The following SCN11A variants were observed in gnomAD, a reference collection of about 807,000 sequenced individuals.
The protein encoded by SCN11A is sodium channel protein type 11 subunit alpha.
In SCN11A, 122 loss-of-function variants were observed where a neutral mutation model predicts 162.2. That is an observed-to-expected ratio of 0.75 (90% CI 0.65 to 0.87). SCN11A has a LOEUF of 0.87. Ranked by LOEUF, SCN11A falls within the 40% of genes least tolerant of loss-of-function variation. SCN11A has a pLI of 0.00. For synonymous variants in SCN11A, 758 were observed against 751.5 expected (o/e 1.01, Z -0.14); for missense variants, 2,015 against 2,181.6 (o/e 0.92, Z 1.52).
intron 5 of SCN11A, among the ~76,000 whole-genome samples, chr3:38,947,639 G>A (rs73828739): frequency 0.016 from 2,429 of 152,286 alleles, 67 homozygotes; most frequent in African/African-American, 0.056. Flanking sequence ...AAAGTGCCCA[G>A]TGGAGTCCCA....
intron 2 of SCN11A, among the ~76,000 whole-genome samples, chr3:38,992,559 G>A (rs2030485460): frequency 6.6e-6 from 1 of 152,152 alleles, no homozygotes; most frequent in Non-Finnish European, 1.5e-5. Flanking sequence ...TTATATGAAT[G>A]ACTCATGTAT....
chr3:38,951,759 C>G (rs1050466542), intron 4 of SCN11A, among the ~76,000 whole-genome samples: 5 of 152,210 alleles, frequency 3.3e-5, no homozygotes, highest in Non-Finnish European at 2.9e-5. Context: ...CTTGGAGAAC[C>G]TTTGTGTCTA....
At chr3:38,968,409 T>C (rs575352670) in intron 2 of SCN11A, among the ~76,000 whole-genome samples, 4 of 152,266 alleles carry the variant, frequency 2.6e-5, no homozygotes, top group African/African-American at 7.2e-5. Flanking sequence ...GGAGAAGCAA[T>C]CCCTAAAGAA....
chr3:38,993,676 CT>C, intron 2 of SCN11A, among the ~76,000 whole-genome samples: 1 of 152,302 alleles, frequency 6.6e-6, no homozygotes, highest in Non-Finnish European at 1.5e-5. Context: ...CCCAAGCAGT[CT>C]TTTTTCATCA....
At position 38,904,017 on chromosome 3, in the gene SCN11A, G is replaced by A; in HGVS notation, c.1690C>T (p.Leu564=). The A allele has an allele frequency of 3.7e-6, 6 of 1,612,758 alleles. No homozygotes were observed. The highest frequency in any genetic ancestry group is 5.1e-6 in the Non-Finnish European group (6 of 1,179,666). Residue 564 remains leucine (L), a synonymous_variant, in exon 16 of 30, where the codon CTG becomes TTG. Transcript: ENST00000302328. ...GTTCTCAGGACCTTCTTAACGCACA[G>A]CCACTGGGGGCAACAGTTCCACACG... ...YLVWNCCPQW[L]CVKKVLRTVM...
intron 1 of SCN11A, among the ~76,000 whole-genome samples, chr3:39,039,572 T>C (rs1004990747): frequency 2.6e-5 from 4 of 152,140 alleles, no homozygotes; most frequent in African/African-American, 4.8e-5. Context: ...GACCTAGCAG[T>C]AGAGCCATGA....
chr3:38,971,036 G>C (rs1288637497), intron 2 of SCN11A, among the ~76,000 whole-genome samples: 1 of 151,012 alleles, frequency 6.6e-6, no homozygotes, highest in African/African-American at 2.4e-5. Context: ...CAAAGCTATA[G>C]ATCCTGTTGC....
At chr3:38,902,124 T>G (rs1049614065) in intron 16 of SCN11A, among the ~76,000 whole-genome samples, 2 of 152,196 alleles carry the variant, frequency 1.3e-5, no homozygotes, top group Non-Finnish European at 2.9e-5. Context: ...TCTCTACAAC[T>G]TATTCAGTAA....
chr3:38,851,428 C>T (rs1164799188), intron 28 of SCN11A, among the ~76,000 whole-genome samples: 1 of 152,090 alleles, frequency 6.6e-6, no homozygotes, highest in East Asian at 1.9e-4. Context: ...ATATAGATGG[C>T]CATACTGCCC....
intron 2 of SCN11A, among the ~76,000 whole-genome samples, chr3:38,979,098 C>T (rs1259651366): frequency 6.6e-6 from 1 of 152,146 alleles, no homozygotes; most frequent in African/African-American, 2.4e-5. Flanking sequence ...ATTGATTAGC[C>T]TCTGTTATGT....
intron 2 of SCN11A, among the ~76,000 whole-genome samples, chr3:38,990,676 T>A (rs924510152): frequency 6.6e-6 from 1 of 152,170 alleles, no homozygotes; most frequent in Admixed American, 6.5e-5. Context: ...AAGCCCTTTA[T>A]ATACTTTAAC....
intron 11 of SCN11A, among the ~76,000 whole-genome samples, chr3:38,917,325 A>G (rs2065974777): frequency 6.6e-6 from 1 of 152,254 alleles, no homozygotes; most frequent in South Asian, 2.1e-4. Context: ...TATATACCCA[A>G]AGGAATATAA....
intron 2 of SCN11A, among the ~76,000 whole-genome samples, chr3:39,018,213 T>A (rs1330071991): frequency 6.6e-6 from 1 of 152,202 alleles, no homozygotes; most frequent in Non-Finnish European, 1.5e-5. Flanking sequence ...TTTCCTGACC[T>A]CAGGTTGATT....
At chr3:38,900,208 T>C (rs1368848208) in intron 16 of SCN11A, 135 bp from the exon 17 acceptor site, 2 of 678,684 alleles carry the variant, frequency 2.9e-6, no homozygotes, top group Non-Finnish European at 4.9e-6. Flanking sequence ...CTAAAGTCCA[T>C]GCAATAGAAA....
chr3:38,921,745 A>C (rs1336606505), intron 9 of SCN11A, among the ~76,000 whole-genome samples: 1 of 152,158 alleles, frequency 6.6e-6, no homozygotes, highest in Non-Finnish European at 1.5e-5. Flanking sequence ...AATTATGAGG[A>C]TATCCTGGGA....
At position 38,846,631 on chromosome 3, in the gene SCN11A, C is replaced by T. The variant is rs1161829693; in HGVS notation, c.*63G>A. ...CCTGTTGATACACTAAGCTGCTGAC[C>T]CCTGGAGCTCAGAGGCTGAAGGCAA... On this transcript the variant is annotated 3_prime_UTR_variant, in exon 30 of 30. Coordinates refer to ENST00000302328, the MANE Select transcript of SCN11A (RefSeq NM_001349253.2). 6.7e-6 allele frequency: 9 copies of T among 1,339,806 alleles called. No homozygotes were observed. The highest frequency in any genetic ancestry group is 9.5e-6 in the Non-Finnish European group (9 of 944,324). The allele number at this position is 1,339,806 out of a possible 1,614,324, so 83.0% of individuals were successfully genotyped here. A position where few individuals can be genotyped will look rare whatever the true frequency, so the allele number is the denominator to read the frequency against.
chr3:38,993,542 C>T lies in SCN11A; in HGVS notation c.-279-33119G>A, dbSNP rs80181736. Among the ~76,000 whole-genome samples the T allele has an allele frequency of 2.4e-3, 361 of 152,280 alleles. 4 individuals carry two copies. Among genetic ancestry groups the T allele is most frequent in the East Asian group, 0.018 (95 of 5,176 alleles). On this transcript the variant is annotated intron_variant, in intron 2 of 29. Transcript: ENST00000302328. ...TATAAGAAACAAATCATGTGTTGAT[C>T]GTAACATCAGGCCAAGAGGAACTTC...
chr3:38,955,349 A>C (rs6793797), intron 3 of SCN11A, among the ~76,000 whole-genome samples: 2,430 of 152,312 alleles, frequency 0.016, 66 homozygotes, highest in African/African-American at 0.056. Flanking sequence ...AAACTGAATA[A>C]AAATTATGAA....
At position 38,894,972 on chromosome 3, in the gene SCN11A, T is replaced by C. The variant is rs200598917; in HGVS notation, c.2404-8A>G. 7 of 1,584,040 alleles carry C rather than the reference T, an allele frequency of 4.4e-6. No homozygotes were observed. The African/African-American group carries it at 8.1e-5, about 18-fold the overall frequency. ...AATGAAGAGGTTGAGCACCTGGGAATGGGGTGGGTAGCAAGAAGAAAGGAA... is the reference window on the plus strand; with the variant it reads ...AATGAAGAGGTTGAGCACCTGGGAACGGGGTGGGTAGCAAGAAGAAAGGAA... On this transcript the variant is annotated splice_polypyrimidine_tract_variant and splice_region_variant and intron_variant, in intron 18 of 29. Transcript: ENST00000302328.
Sources: gnomAD v4.1 joint callset for allele counts (sites outside exome capture counted in the v4.1 genomes callset) on GRCh38, gnomAD v4.1.1 for gene constraint, MANE v1.5 for transcripts, NCBI Gene and HGNC (gene_info 2026-07-23, HGNC 2026-07-21) for gene names.